CACNA1C: variants seen among roughly 807,000 people sequenced by gnomAD.
CACNA1C encodes voltage-dependent L-type calcium channel subunit alpha-1C.
In CACNA1C, 30 loss-of-function variants were observed where a neutral mutation model predicts 229.0. The observed-to-expected ratio is 0.13, with a 90% CI of 0.10 to 0.18. The LOEUF (loss-of-function observed/expected upper bound fraction) is 0.18. CACNA1C is among the 10% of genes least tolerant of loss of function. CACNA1C has a pLI of 1.00. For missense variants in CACNA1C, 1,658 were observed against 2,845.0 expected, an observed-to-expected ratio of 0.58 and a Z score of 9.49; for synonymous variants, 1,114 against 1,132.5, an observed-to-expected ratio of 0.98 and a Z score of 0.33.
intron 3 of CACNA1C, among the ~76,000 whole-genome samples, chr12:2,161,989 TATCTGTTTCCAGCCAGATTGTAAGGTC>T (rs1370862344): frequency 1.3e-5 from 2 of 152,204 alleles, no homozygotes; most frequent in Non-Finnish European, 2.9e-5. Context: ...ATGTTCTAAT[TATCTGTTTCCAGCCAGATTGTAAGGTC>T]AACAATGGTA....
chr12:2,016,733 TAA>T (rs1478678169), intron 1 of CACNA1C, among the ~76,000 whole-genome samples: 3 of 152,158 alleles, frequency 2.0e-5, no homozygotes, highest in Non-Finnish European at 4.4e-5. Context: ...CCCATCTGTT[TAA>T]AACATTTCTG....
chr12:2,666,466 G>A lies in CACNA1C; in HGVS notation c.4527-220G>A. 2.2e-6 allele frequency: 1 copy of A among 448,142 alleles called. No individual in the cohort carries two copies. The allele number at this position is 448,142 out of a possible 1,614,324, so 27.8% of individuals were successfully genotyped here. On this transcript the variant is annotated intron_variant, in intron 36 of 46. Coordinates refer to ENST00000399655, the MANE Select transcript of CACNA1C (RefSeq NM_000719.7). The surrounding 1 kb of genome is among the most constrained non-coding windows in gnomAD (Gnocchi z 5.3). ...TTCCACCTTGAACATAGCATGGGCA[G>A]AAAATGATTCATTAAAATCTAAACA... is the stretch of plus-strand genomic sequence containing the variant.
chr12:2,558,637 C>T (rs904721733), intron 11 of CACNA1C, among the ~76,000 whole-genome samples: 8 of 152,170 alleles, frequency 5.3e-5, no homozygotes, highest in African/African-American at 1.7e-4. Flanking sequence ...CAGGGTCTGC[C>T]GAGGCACTCC....
intron 3 of CACNA1C, among the ~76,000 whole-genome samples, chr12:2,428,540 T>C (rs932876919): frequency 6.6e-6 from 1 of 152,180 alleles, no homozygotes; most frequent in Non-Finnish European, 1.5e-5. Flanking sequence ...GAGTGCCCCG[T>C]GTGTGTGGCA....
At chr12:2,464,061 T>C (rs1470015770) in intron 5 of CACNA1C, among the ~76,000 whole-genome samples, 1 of 152,132 alleles carries the variant, frequency 6.6e-6, no homozygotes, top group Admixed American at 6.5e-5. Flanking sequence ...TCATATGCCT[T>C]CTGGAGAAGA....
At chr12:2,683,771 TG>T (rs1165936663) in intron 43 of CACNA1C, among the ~76,000 whole-genome samples, 1 of 152,186 alleles carries the variant, frequency 6.6e-6, no homozygotes, top group African/African-American at 2.4e-5. Flanking sequence ...CCTGGGATGC[TG>T]GGGGGCTGTG....
chr12:2,177,589 CTTCCT>C (rs1299658660), intron 3 of CACNA1C, among the ~76,000 whole-genome samples: 1 of 45,552 alleles, frequency 2.2e-5, no homozygotes, highest in African/African-American at 5.9e-5. Context: ...CCCTCCCTCC[CTTCCT>C]TCCTTCCTTC....
intron 9 of CACNA1C, among the ~76,000 whole-genome samples, chr12:2,549,352 A>ATGGCTC (rs2099891567): frequency 6.6e-6 from 1 of 152,094 alleles, no homozygotes; most frequent in Admixed American, 6.5e-5. Flanking sequence ...ATCTTAGTGC[A>ATGGCTC]TGGCTCTGGG....
At chr12:2,167,187 A>G (rs780065931) in intron 3 of CACNA1C, among the ~76,000 whole-genome samples, 1 of 152,232 alleles carries the variant, frequency 6.6e-6, no homozygotes, top group Non-Finnish European at 1.5e-5. Flanking sequence ...CAATTATATA[A>G]CAAGTTCCTG....
At chr12:2,326,701 C>T (rs901515761) in intron 3 of CACNA1C, among the ~76,000 whole-genome samples, 2 of 152,228 alleles carry the variant, frequency 1.3e-5, no homozygotes, top group African/African-American at 4.8e-5. Flanking sequence ...TGTATTTCAC[C>T]CTGTTCTCAA....
intron 3 of CACNA1C, among the ~76,000 whole-genome samples, chr12:2,393,630 G>A (rs1052638247): frequency 2.0e-5 from 3 of 152,238 alleles, no homozygotes; most frequent in African/African-American, 7.2e-5. Context: ...TTGTTGCAGA[G>A]ATGAAATGAT....
At chr12:2,165,902 A>G (rs757906891) in intron 3 of CACNA1C, among the ~76,000 whole-genome samples, 2 of 152,234 alleles carry the variant, frequency 1.3e-5, no homozygotes, top group Non-Finnish European at 2.9e-5. Flanking sequence ...AGAGTCAGAA[A>G]GAATTCCAGA....
Position 2,692,068 on chromosome 12 carries a change from A to T in CACNA1C, c.*869A>T, listed in dbSNP as rs1409764602. ...TCTGTTTTCACTTTTGCCAATGTAC[A>T]TCGGGTTTGGTTTTCTTGTATTATT... On this transcript the variant is annotated 3_prime_UTR_variant, in exon 47 of 47. Coordinates refer to ENST00000399655, the MANE Select transcript of CACNA1C (RefSeq NM_000719.7). 6.6e-6 allele frequency: 1 copy of T among 152,070 alleles called. No individual in the cohort carries two copies. Among genetic ancestry groups the T allele is most frequent in the Non-Finnish European group, 1.5e-5 (1 of 68,024 alleles). The allele number at this position is 152,070 out of a possible 1,614,324, so 9.4% of individuals were successfully genotyped here.
intron 38 of CACNA1C, among the ~76,000 whole-genome samples, chr12:2,674,186 G>A (rs557060101): frequency 1.8e-4 from 28 of 152,342 alleles, no homozygotes; most frequent in Admixed American, 1.4e-3. Flanking sequence ...GCTGGTGAGC[G>A]CATGGCCGCC....
intron 1 of CACNA1C, among the ~76,000 whole-genome samples, chr12:2,003,287 T>A (rs1565892134): frequency 2.0e-5 from 3 of 152,234 alleles, no homozygotes; most frequent in Non-Finnish European, 4.4e-5. Context: ...TTTTCCTAGA[T>A]TAAGTTTTGA....
At chr12:2,480,902 G>C (rs553713134) in intron 5 of CACNA1C, among the ~76,000 whole-genome samples, 1 of 152,184 alleles carries the variant, frequency 6.6e-6, no homozygotes, top group Non-Finnish European at 1.5e-5. Context: ...TCTAACGTTG[G>C]CAATGATCTC....
intron 3 of CACNA1C, among the ~76,000 whole-genome samples, chr12:2,378,646 A>G (rs2098141260): frequency 6.6e-6 from 1 of 152,236 alleles, no homozygotes; most frequent in African/African-American, 2.4e-5. Flanking sequence ...TGGCCTGGCC[A>G]TTCTAAATAA....
chr12:2,453,472 C>A (rs1320931584), intron 4 of CACNA1C, among the ~76,000 whole-genome samples: 1 of 152,154 alleles, frequency 6.6e-6, no homozygotes, highest in African/African-American at 2.4e-5. Flanking sequence ...CACGACCCAG[C>A]GTGTAGTGCA....
At chr12:2,136,995 C>G (rs2093587727) in intron 3 of CACNA1C, among the ~76,000 whole-genome samples, 1 of 151,350 alleles carries the variant, frequency 6.6e-6, no homozygotes, top group Non-Finnish European at 1.5e-5. Context: ...AACTTGGGGC[C>G]TTCATGGGAC....
Sources: allele counts gnomAD v4.1 joint callset (sites outside exome capture counted in the v4.1 genomes callset), GRCh38; gene constraint gnomAD v4.1.1; non-coding constraint Gnocchi (gnomAD v3.1); transcripts MANE v1.5; gene names NCBI Gene and HGNC (gene_info 2026-07-23, HGNC 2026-07-21).